The following ATP7A variants were observed in gnomAD, a reference collection of about 807,000 sequenced individuals.
The protein encoded by ATP7A is ATPase copper transporting alpha.
Under a neutral mutation model 83.5 loss-of-function variants are expected in ATP7A, and 7 were observed. That is an observed-to-expected ratio of 0.08 (90% CI 0.05 to 0.16). ATP7A has a LOEUF of 0.16. ATP7A is among the 10% of genes least tolerant of loss of function. The probability of loss-of-function intolerance (pLI) is 1.00; values close to 1 mark genes in which losing one functional copy is unlikely to be tolerated. For synonymous variants in ATP7A, 354 were observed against 395.2 expected, an observed-to-expected ratio of 0.90 and a Z score of 1.24; for missense variants, 940 against 1,120.8, an observed-to-expected ratio of 0.84 and a Z score of 2.30.
At chrX:78,018,504 C>T (rs1417461822) in intron 12 of ATP7A, among the ~76,000 whole-genome samples, 1 of 111,132 alleles carries the variant, frequency 9.0e-6, no homozygotes, top group Non-Finnish European at 1.9e-5. Context: ...AACTCTGTTA[C>T]AAAAACAAAA....
chrX:77,995,302 C>T (rs5959963), intron 4 of ATP7A, among the ~76,000 whole-genome samples: 5,632 of 110,592 alleles, frequency 0.051, 382 homozygotes, highest in African/African-American at 0.18. Context: ...CAGTGGCTTA[C>T]GCCTGTAATC....
intron 1 of ATP7A, among the ~76,000 whole-genome samples, chrX:77,954,974 T>A (rs1480436672): frequency 9.0e-6 from 1 of 111,118 alleles, no homozygotes; most frequent in Non-Finnish European, 1.9e-5. Flanking sequence ...TGAGTTGGCT[T>A]TATGAGATGA....
chrX:78,021,466 G>T lies in ATP7A; in HGVS notation c.2916+387G>T, dbSNP rs1333638503. Among the ~76,000 whole-genome samples, 3 of 111,453 alleles carry T rather than the reference G, an allele frequency of 2.7e-5. No homozygotes were observed. In the Admixed American group the frequency reaches 2.9e-4, roughly 11 times the overall value. On this transcript the variant is annotated intron_variant, in intron 14 of 22. Transcript: ENST00000341514. The stretch of plus-strand genomic sequence containing the variant: ...TTCAGTTTCCTCAACTATAAAGTGA[G>T]GTTTTAATAATACCCATTTTGTGTA...
chrX:77,945,287 C>G (rs1214726198), intron 1 of ATP7A, among the ~76,000 whole-genome samples: 1 of 111,898 alleles, frequency 8.9e-6, no homozygotes, highest in African/African-American at 3.3e-5. Context: ...AGGTGATCCT[C>G]CCACCTCAGC....
chrX:77,939,906 A>AAT (rs2149053385), intron 1 of ATP7A, among the ~76,000 whole-genome samples: 1 of 107,877 alleles, frequency 9.3e-6, no homozygotes, highest in East Asian at 3.0e-4. Context: ...AAAACAAAAA[A>AAT]ATACTAAGGA....
intron 1 of ATP7A, among the ~76,000 whole-genome samples, chrX:77,943,911 T>A (rs1048120733): frequency 8.9e-6 from 1 of 112,290 alleles, no homozygotes; most frequent in Non-Finnish European, 1.9e-5. Context: ...ACTTTATACA[T>A]CTGTGTAAGT....
intron 1 of ATP7A, among the ~76,000 whole-genome samples, chrX:77,931,555 G>C (rs1248268962): frequency 1.8e-5 from 2 of 111,883 alleles, no homozygotes; most frequent in Non-Finnish European, 3.8e-5. Context: ...GGTGGTGGCC[G>C]GGCAGAGGGG....
At chrX:77,999,020 C>G (rs1316812054) in intron 5 of ATP7A, among the ~76,000 whole-genome samples, 2 of 105,701 alleles carry the variant, frequency 1.9e-5, no homozygotes, top group South Asian at 8.7e-4. Flanking sequence ...TTTTTGAGAC[C>G]GAGTCTTGCT....
At chrX:77,943,657 A>G (rs1241895498) in intron 1 of ATP7A, among the ~76,000 whole-genome samples, 2 of 112,525 alleles carry the variant, frequency 1.8e-5, no homozygotes, top group South Asian at 3.6e-4. Context: ...ATAGAATTAC[A>G]TAAAGTAAAA....
At chrX:77,966,476 C>T (rs981703054) in intron 1 of ATP7A, among the ~76,000 whole-genome samples, 4 of 112,344 alleles carry the variant, frequency 3.6e-5, no homozygotes, top group Non-Finnish European at 1.9e-5. Flanking sequence ...AATACCGATA[C>T]ATTTTACACA....
At chrX:78,001,041 T>C (rs975718575) in intron 5 of ATP7A, among the ~76,000 whole-genome samples, 18 of 112,262 alleles carry the variant, frequency 1.6e-4, no homozygotes, top group African/African-American at 5.2e-4. Flanking sequence ...TATCTGCAAT[T>C]TACATAAGTA....
chrX:77,963,432 A>T (rs1472080036), intron 1 of ATP7A: 4 of 111,680 alleles, frequency 3.6e-5, no homozygotes, highest in African/African-American at 1.3e-4. Flanking sequence ...ATACAAAGCT[A>T]TTTTTTCTTC....
chrX:77,996,211 CAT>C (rs1368640951), intron 4 of ATP7A, among the ~76,000 whole-genome samples: 2 of 111,726 alleles, frequency 1.8e-5, no homozygotes, highest in East Asian at 2.8e-4. Context: ...TACACACACA[CAT>C]ACATACATTT....
At chrX:77,948,100 TATTCATTCATTC>T (rs56093900) in intron 1 of ATP7A, among the ~76,000 whole-genome samples, 5 of 89,760 alleles carry the variant, frequency 5.6e-5, no homozygotes, top group Admixed American at 4.0e-4. Context: ...TTTATTTATT[TATTCATTCATTC>T]ATTCATTCAT....
intron 1 of ATP7A, among the ~76,000 whole-genome samples, chrX:77,946,434 A>G (rs1464890374): frequency 2.7e-5 from 3 of 111,083 alleles, no homozygotes; most frequent in African/African-American, 9.8e-5. Context: ...ATTCCAAGTT[A>G]TTGTACTAAC....
At chrX:77,973,986 GT>G (rs1213165810) in intron 2 of ATP7A, among the ~76,000 whole-genome samples, 1 of 111,236 alleles carries the variant, frequency 9.0e-6, no homozygotes, top group Non-Finnish European at 1.9e-5. Context: ...AAATGGTACT[GT>G]TTTTAAATTT....
intron 12 of ATP7A, among the ~76,000 whole-genome samples, 179 bp from the exon 13 acceptor site, chrX:78,020,065 G>T (rs1430787976): frequency 2.7e-5 from 3 of 112,554 alleles, no homozygotes; most frequent in Non-Finnish European, 5.6e-5. Context: ...CCAGTTCAAG[G>T]TTTATATTCC....
intron 1 of ATP7A, among the ~76,000 whole-genome samples, chrX:77,939,743 A>G (rs2077340725): frequency 9.0e-6 from 1 of 111,180 alleles, no homozygotes; most frequent in African/African-American, 3.3e-5. Flanking sequence ...TGGCAGTTAA[A>G]TATATCAAAA....
At chrX:77,969,927 A>G (rs371021225) in intron 1 of ATP7A, among the ~76,000 whole-genome samples, 1 of 111,782 alleles carries the variant, frequency 8.9e-6, no homozygotes, top group East Asian at 2.8e-4. Flanking sequence ...GTAACAAATA[A>G]CCCCAAAATT....
Sources: allele counts gnomAD v4.1 joint callset (sites outside exome capture counted in the v4.1 genomes callset), GRCh38; gene constraint gnomAD v4.1.1; transcripts MANE v1.5; gene names NCBI Gene and HGNC (gene_info 2026-07-23, HGNC 2026-07-21).